ADAMTS12: variants seen among roughly 807,000 people sequenced by gnomAD.
ADAMTS12 encodes ADAM metallopeptidase with thrombospondin type 1 motif 12, also known as A disintegrin and metalloproteinase with thrombospondin motifs 12.
A neutral mutation model predicts 167.8 loss-of-function variants in ADAMTS12; 118 were observed. The ratio of observed to expected loss-of-function variants is 0.70; its 90% CI spans 0.61 to 0.82. The LOEUF (loss-of-function observed/expected upper bound fraction) is 0.82, where lower values mean the gene tolerates loss of function less well. Ranked by LOEUF, ADAMTS12 falls within the 40% of genes least tolerant of loss-of-function variation. ADAMTS12 has a pLI of 0.00. For synonymous variants in ADAMTS12, 704 were observed against 716.9 expected, an observed-to-expected ratio of 0.98 and a Z score of 0.29; for missense variants, 1,916 against 1,998.8, an observed-to-expected ratio of 0.96 and a Z score of 0.79.
intron 2 of ADAMTS12, among the ~76,000 whole-genome samples, chr5:33,821,173 G>A (rs1455256037): frequency 6.6e-6 from 1 of 152,032 alleles, no homozygotes; most frequent in Non-Finnish European, 1.5e-5. Flanking sequence ...CATAACACCA[G>A]TAATGACCAT....
At chr5:33,635,796 T>C (rs75766187) in intron 12 of ADAMTS12, among the ~76,000 whole-genome samples, 2,968 of 152,218 alleles carry the variant, frequency 0.019, 93 homozygotes, top group African/African-American at 0.068. Flanking sequence ...CAGAGTATAA[T>C]GGGGAAAGTC....
At chr5:33,706,389 G>T (rs1179143119) in intron 3 of ADAMTS12, among the ~76,000 whole-genome samples, 2 of 152,146 alleles carry the variant, frequency 1.3e-5, no homozygotes, top group African/African-American at 2.4e-5. Flanking sequence ...CCTGTATAGG[G>T]TGCATATATA....
intron 19 of ADAMTS12, among the ~76,000 whole-genome samples, chr5:33,564,922 T>A (rs182400320): frequency 1.2e-4 from 18 of 152,360 alleles, no homozygotes; most frequent in African/African-American, 4.3e-4. Flanking sequence ...TGATACTGAC[T>A]TGAAAAACTA....
At chr5:33,550,525 TA>T (rs1745209893) in intron 20 of ADAMTS12, among the ~76,000 whole-genome samples, 1 of 152,158 alleles carries the variant, frequency 6.6e-6, no homozygotes, top group Non-Finnish European at 1.5e-5. Flanking sequence ...CTCCTCGGGT[TA>T]ATACAATGTC....
intron 3 of ADAMTS12, among the ~76,000 whole-genome samples, chr5:33,737,968 G>A (rs1203318740): frequency 6.6e-6 from 1 of 152,178 alleles, no homozygotes; most frequent in Non-Finnish European, 1.5e-5. Context: ...GTAGTCATTT[G>A]CCCAAGGACA....
rs1327112926 is a variant in ADAMTS12 at position 33,525,727 on chromosome 5, T to C, written c.*1461A>G. ...GTATCTGTGCATGAGTCAGAAAATATGCTGCCCATCACATGAAGGCCACAT... is the reference window on the plus strand; with the variant it reads ...GTATCTGTGCATGAGTCAGAAAATACGCTGCCCATCACATGAAGGCCACAT... On this transcript the variant is annotated 3_prime_UTR_variant, in exon 24 of 24. Coordinates refer to ENST00000504830, the MANE Select transcript of ADAMTS12 (RefSeq NM_030955.4). The C allele has an allele frequency of 6.6e-6, 1 of 152,222 alleles. No individual in the cohort carries two copies. Among genetic ancestry groups the C allele is most frequent in the African/African-American group, 2.4e-5 (1 of 41,458 alleles). The allele number at this position is 152,222 out of a possible 1,614,324, so 9.4% of individuals were successfully genotyped here.
At chr5:33,546,863 T>C (rs1745008697) in intron 21 of ADAMTS12, among the ~76,000 whole-genome samples, 1 of 152,190 alleles carries the variant, frequency 6.6e-6, no homozygotes, top group African/African-American at 2.4e-5. Context: ...CCTAGAGTAT[T>C]TGGAAAAGCA....
At position 33,614,390 on chromosome 5, in the gene ADAMTS12, G is replaced by C. The variant is rs1738880109; in HGVS notation, c.2389-14C>G. On this transcript the variant is annotated splice_polypyrimidine_tract_variant and intron_variant, in intron 15 of 23. Transcript: ENST00000504830. ...CTGGAATAGAAGCTAAAAGGCAAGA[G>C]AGGGGTCATGTCAAACTGTCATGAC... 1 of 1,613,564 alleles carries C rather than the reference G, an allele frequency of 6.2e-7. No individual in the cohort carries two copies. The highest frequency in any genetic ancestry group is 8.5e-7 in the Non-Finnish European group (1 of 1,179,550).
intron 2 of ADAMTS12, among the ~76,000 whole-genome samples, chr5:33,864,579 G>T (rs1356169039): frequency 1.3e-5 from 2 of 152,116 alleles, no homozygotes; most frequent in African/African-American, 4.8e-5. Flanking sequence ...CAAAGACTAG[G>T]AACCAACCCA....
chr5:33,610,836 G>T (rs552292212), intron 16 of ADAMTS12, among the ~76,000 whole-genome samples: 1 of 152,316 alleles, frequency 6.6e-6, no homozygotes, highest in South Asian at 2.1e-4. Flanking sequence ...GGAGGCTGAG[G>T]CAGGTGGATC....
intron 2 of ADAMTS12, among the ~76,000 whole-genome samples, chr5:33,844,687 T>G (rs1748875915): frequency 6.6e-6 from 1 of 152,240 alleles, no homozygotes; most frequent in African/African-American, 2.4e-5. Context: ...TCCATTTGCC[T>G]TGTGATATTC....
At chr5:33,696,614 G>A (rs1742787757) in intron 3 of ADAMTS12, among the ~76,000 whole-genome samples, 1 of 152,156 alleles carries the variant, frequency 6.6e-6, no homozygotes, top group Non-Finnish European at 1.5e-5. Context: ...TTCAGGGATA[G>A]TGTCACAGCT....
chr5:33,813,875 T>C (rs1337189640), intron 2 of ADAMTS12, among the ~76,000 whole-genome samples: 1 of 152,214 alleles, frequency 6.6e-6, no homozygotes, highest in Non-Finnish European at 1.5e-5. Context: ...ACTAACAAAT[T>C]GCTCAAATTA....
intron 17 of ADAMTS12, 99 bp from the exon 18 acceptor site, chr5:33,588,908 C>A: frequency 6.9e-7 from 1 of 1,450,326 alleles, no homozygotes; most frequent in Non-Finnish European, 9.4e-7. Flanking sequence ...GATCACAGGG[C>A]TGGAAGGGCC....
At chr5:33,751,143 T>G (rs1048692643) in intron 3 of ADAMTS12, 1 of 502,522 alleles carries the variant, frequency 2.0e-6, no homozygotes, top group Non-Finnish European at 3.5e-6. Flanking sequence ...TCAATTAATG[T>G]GGCAAAGATG....
At chr5:33,793,555 T>A (rs552778388) in intron 2 of ADAMTS12, among the ~76,000 whole-genome samples, 1 of 152,362 alleles carries the variant, frequency 6.6e-6, no homozygotes, top group South Asian at 2.1e-4. Flanking sequence ...TTTTTTAAAT[T>A]GAATTTAAGA....
intron 3 of ADAMTS12, among the ~76,000 whole-genome samples, chr5:33,723,602 T>C (rs1743877088): frequency 6.6e-6 from 1 of 152,150 alleles, no homozygotes; most frequent in Non-Finnish European, 1.5e-5. Flanking sequence ...ATTGGCTAAG[T>C]CACTTATCTT....
intron 3 of ADAMTS12, among the ~76,000 whole-genome samples, chr5:33,692,867 A>G (rs140317536): frequency 6.6e-6 from 1 of 152,368 alleles, no homozygotes; most frequent in Non-Finnish European, 1.5e-5. Context: ...CTTGTTCCGG[A>G]GAAAATAATC....
chr5:33,567,979 C>A (rs1294730183), intron 19 of ADAMTS12, among the ~76,000 whole-genome samples: 1 of 152,182 alleles, frequency 6.6e-6, no homozygotes, highest in Non-Finnish European at 1.5e-5. Context: ...TACTTAAATT[C>A]TCTCAGCTTC....
Sources: gnomAD v4.1 joint callset for allele counts (sites outside exome capture counted in the v4.1 genomes callset) on GRCh38, gnomAD v4.1.1 for gene constraint, MANE v1.5 for transcripts, NCBI Gene and HGNC (gene_info 2026-07-23, HGNC 2026-07-21) for gene names.